Variants in FAF1 observed in about 807,000 individuals in gnomAD.
FAF1 encodes Fas associated factor 1, also known as FAS-associated factor 1.
Under a neutral mutation model 92.5 loss-of-function variants are expected in FAF1, and 25 were observed. That is an observed-to-expected ratio of 0.27 (90% CI 0.20 to 0.38). The LOEUF (loss-of-function observed/expected upper bound fraction) is 0.38. Among genes scored for constraint, FAF1 ranks in the 10% least tolerant of loss-of-function variants. The probability of loss-of-function intolerance (pLI) is 1.00; values close to 1 mark genes in which losing one functional copy is unlikely to be tolerated. For missense variants in FAF1, 636 were observed against 793.3 expected (o/e 0.80, Z 2.38); for synonymous variants, 234 against 273.2 (o/e 0.86, Z 1.42).
chr1:50,709,753 T>C (rs571028847), intron 6 of FAF1, among the ~76,000 whole-genome samples: 1 of 152,332 alleles, frequency 6.6e-6, no homozygotes, highest in East Asian at 1.9e-4. Flanking sequence ...AGTTTACCGC[T>C]CATTCATTCA....
At chr1:50,676,704 C>T (rs959050061) in intron 7 of FAF1, among the ~76,000 whole-genome samples, 3 of 151,954 alleles carry the variant, frequency 2.0e-5, no homozygotes, top group Admixed American at 2.0e-4. Context: ...TGCCTGTGAT[C>T]TTAGCTACTC....
chr1:50,748,507 GAAAAGAAA>G (rs1659721018), intron 4 of FAF1, among the ~76,000 whole-genome samples: 1 of 130,606 alleles, frequency 7.7e-6, no homozygotes, highest in Non-Finnish European at 1.7e-5. Context: ...AAAAAAAAAA[GAAAAGAAA>G]AAAAGAAAAA....
At chr1:50,569,155 C>T (rs1170026845) in intron 12 of FAF1, among the ~76,000 whole-genome samples, 1 of 152,052 alleles carries the variant, frequency 6.6e-6, no homozygotes, top group Non-Finnish European at 1.5e-5. Context: ...TCCTACTCAT[C>T]CTATAAGGCT....
intron 2 of FAF1, among the ~76,000 whole-genome samples, chr1:50,854,300 A>G (rs937337929): frequency 1.3e-5 from 2 of 152,018 alleles, no homozygotes; most frequent in African/African-American, 4.8e-5. Flanking sequence ...CTTTGGTAAA[A>G]GATTCTAACT....
chr1:50,509,875 A>G (rs896985396), intron 15 of FAF1, among the ~76,000 whole-genome samples: 1 of 149,734 alleles, frequency 6.7e-6, no homozygotes, highest in Non-Finnish European at 1.5e-5. Context: ...TCTCTAAATT[A>G]AAAAAAAAAT....
intron 7 of FAF1, among the ~76,000 whole-genome samples, chr1:50,676,679 G>A (rs1200041778): frequency 2.0e-5 from 3 of 151,386 alleles, no homozygotes; most frequent in Non-Finnish European, 4.4e-5. Flanking sequence ...AAAATTAGCT[G>A]GGCATGGTGG....
At chr1:50,532,733 C>T (rs1329960372) in intron 15 of FAF1, among the ~76,000 whole-genome samples, 2 of 152,090 alleles carry the variant, frequency 1.3e-5, no homozygotes, top group East Asian at 3.9e-4. Context: ...AAACTAATTA[C>T]AGTGCTCCAA....
At chr1:50,629,925 G>A (rs925562101) in intron 8 of FAF1, among the ~76,000 whole-genome samples, 1 of 152,014 alleles carries the variant, frequency 6.6e-6, no homozygotes, top group African/African-American at 2.4e-5. Flanking sequence ...AGGCATAGTG[G>A]CACATGCCTG....
chr1:50,708,919 A>G (rs1657802050), intron 6 of FAF1, among the ~76,000 whole-genome samples: 1 of 152,236 alleles, frequency 6.6e-6, no homozygotes, highest in Admixed American at 6.5e-5. Flanking sequence ...CAAAAGCTCA[A>G]TGTGACTGCA....
rs56268558 is a variant in FAF1 at position 50,876,627 on chromosome 1, C to T, written c.46-18630G>A. 7.7e-3 allele frequency among the ~76,000 whole-genome samples: 1,173 copies of T among 152,214 alleles called. 13 individuals are homozygous for T. Among genetic ancestry groups the T allele is most frequent in the African/African-American group, 0.027 (1,133 of 41,512 alleles). On this transcript the variant is annotated intron_variant, in intron 1 of 18. Transcript: ENST00000396153. ...TTGAGATGGAGTCTCACTCTGTCAC[C>T]CAGGCTGGAGTGCAGTGGCGCAATC...
At chr1:50,656,325 C>T (rs1256168686) in intron 7 of FAF1, among the ~76,000 whole-genome samples, 2 of 149,640 alleles carry the variant, frequency 1.3e-5, no homozygotes, top group Non-Finnish European at 3.0e-5. Flanking sequence ...GAGTGAGACT[C>T]CATCTCCCTA....
intron 2 of FAF1, among the ~76,000 whole-genome samples, chr1:50,804,865 G>A (rs760565086): frequency 1.6e-4 from 25 of 152,176 alleles, no homozygotes; most frequent in Non-Finnish European, 2.6e-4. Flanking sequence ...TCATTGCCAA[G>A]CACTACGCAC....
intron 4 of FAF1, among the ~76,000 whole-genome samples, chr1:50,746,277 TA>T (rs1659602848): frequency 7.3e-4 from 14 of 19,238 alleles, no homozygotes; most frequent in African/African-American, 3.0e-3. Flanking sequence ...TATATATATA[TA>T]TATATATATA....
chr1:50,663,639 G>A (rs1199308290), intron 7 of FAF1, among the ~76,000 whole-genome samples: 1 of 151,264 alleles, frequency 6.6e-6, no homozygotes, highest in Non-Finnish European at 1.5e-5. Flanking sequence ...TCCTGACCTC[G>A]TGATCCACCC....
In FAF1 at chr1:50,549,636, G is replaced by A. The variant is rs569175400; in HGVS notation, c.1269-9908C>T. 1.1e-4 allele frequency among the ~76,000 whole-genome samples: 16 copies of A among 152,162 alleles called. No homozygotes were observed. The South Asian group carries it at 2.5e-3, about 24-fold the overall frequency. ...CTGAAAATACAAAAAGTAGCTGGGC[G>A]TGGTAGTGGGCACCTGTAATCCCAG... On this transcript the variant is annotated intron_variant, in intron 13 of 18. Coordinates refer to ENST00000396153, the MANE Select transcript of FAF1 (RefSeq NM_007051.3).
chr1:50,843,956 A>T (rs1644277639), intron 2 of FAF1, among the ~76,000 whole-genome samples: 1 of 152,098 alleles, frequency 6.6e-6, no homozygotes, highest in South Asian at 2.1e-4. Flanking sequence ...GAACCTCCAT[A>T]CTGTTTTCCA....
Position 50,780,711 on chromosome 1 carries a change from A to G in FAF1, c.367+7289T>C. 2 of 270,804 alleles carry G rather than the reference A, an allele frequency of 7.4e-6. 1 individual carries two copies. The highest frequency in any genetic ancestry group is 2.1e-3 in the Middle Eastern group (2 of 968). 16.8% of individuals were successfully genotyped at this position (270,804 alleles called of 1,614,324 possible). ...TGTGCTGCCACCTATCATCACAGAAATCCTCAAGTCAGTGGTGACTTGCTC... is the reference window on the plus strand; with the variant it reads ...TGTGCTGCCACCTATCATCACAGAAGTCCTCAAGTCAGTGGTGACTTGCTC... On this transcript the variant is annotated intron_variant, in intron 4 of 18. Transcript: ENST00000396153.
chr1:50,629,988 G>A (rs1406662049), intron 8 of FAF1, among the ~76,000 whole-genome samples: 1 of 152,160 alleles, frequency 6.6e-6, no homozygotes, highest in East Asian at 1.9e-4. Context: ...AACCTGGGAG[G>A]CGGAGGTTGC....
chr1:50,602,268 C>T (rs527450960), intron 8 of FAF1, among the ~76,000 whole-genome samples: 4 of 152,282 alleles, frequency 2.6e-5, no homozygotes, highest in African/African-American at 7.2e-5. Flanking sequence ...ATATCTCAAG[C>T]TTGTCATCGT....
Sources: allele counts gnomAD v4.1 joint callset (sites outside exome capture counted in the v4.1 genomes callset), GRCh38; gene constraint gnomAD v4.1.1; transcripts MANE v1.5; gene names NCBI Gene and HGNC (gene_info 2026-07-23, HGNC 2026-07-21).